The following GATAD2A variants were observed in gnomAD, a reference collection of about 807,000 sequenced individuals.
The protein encoded by GATAD2A is transcriptional repressor p66-alpha.
A neutral mutation model predicts 68.5 loss-of-function variants in GATAD2A; 12 were observed. The ratio of observed to expected loss-of-function variants is 0.18; its 90% CI spans 0.11 to 0.28. GATAD2A has a LOEUF of 0.28. GATAD2A is among the 10% of genes least tolerant of loss of function. The pLI is 1.00. For missense variants in GATAD2A, 755 were observed against 868.5 expected (o/e 0.87, Z 1.64); for synonymous variants, 410 against 375.3 (o/e 1.09, Z -1.07).
Position 19,508,430 on chromosome 19 carries a change from G to A in GATAD2A, c.*2956G>A, listed in dbSNP as rs1207364168. The A allele has an allele frequency of 6.6e-6, 1 of 152,226 alleles. No individual in the cohort carries two copies. The highest frequency in any genetic ancestry group is 1.5e-5 in the Non-Finnish European group (1 of 68,068). The allele number at this position is 152,226 out of a possible 1,614,324, so 9.4% of individuals were successfully genotyped here. On this transcript the variant is annotated 3_prime_UTR_variant, in exon 12 of 12. Transcript: ENST00000683918. ...GTGCCTGGTCTTACCTGTACTCCAC[G>A]GACCTCGGTGAAGCAAAAGCTTCAG...
At chr19:19,484,602 G>A (rs189082828) in intron 2 of GATAD2A, among the ~76,000 whole-genome samples, 2 of 139,962 alleles carry the variant, frequency 1.4e-5, no homozygotes, top group East Asian at 4.2e-4. Context: ...GCACGATCTC[G>A]GCTCCCTGCA....
chr19:19,471,482 GAT>G (rs1051770094), intron 2 of GATAD2A, among the ~76,000 whole-genome samples: 3 of 144,966 alleles, frequency 2.1e-5, no homozygotes, highest in Non-Finnish European at 4.6e-5. Context: ...TTATTTGAGA[GAT>G]GGAAAGTGAC....
intron 1 of GATAD2A, among the ~76,000 whole-genome samples, chr19:19,450,857 G>A (rs1403225598): frequency 6.7e-6 from 1 of 150,124 alleles, no homozygotes; most frequent in East Asian, 2.0e-4. Context: ...TACAACCTCC[G>A]CCTCCCGGTT....
upstream of GATAD2A, chr19:19,402,623 A>C (rs1303872055): frequency 1.3e-5 from 2 of 148,464 alleles, no homozygotes; most frequent in African/African-American, 4.9e-5. Context: ...TGGGAGGTGG[A>C]GGTTGCAGTG....
chr19:19,501,438 C>T (rs2060513548), intron 9 of GATAD2A, 22 bp downstream of exon 9: 1 of 1,552,526 alleles, frequency 6.4e-7, no homozygotes, highest in East Asian at 2.4e-5. Context: ...CTGCTGCCGG[C>T]AGTGCCGTCC....
At chr19:19,476,444 G>A (rs1345380588) in intron 2 of GATAD2A, among the ~76,000 whole-genome samples, 1 of 152,190 alleles carries the variant, frequency 6.6e-6, no homozygotes, top group Non-Finnish European at 1.5e-5. Flanking sequence ...TTATTTAAAT[G>A]TCCCATCCAC....
chr19:19,508,652 T>G lies in GATAD2A; in HGVS notation c.*3178T>G, dbSNP rs2060968680. 2 of 152,254 alleles carry G rather than the reference T, an allele frequency of 1.3e-5. No homozygotes were observed. Among genetic ancestry groups the G allele is most frequent in the South Asian group, 4.1e-4 (2 of 4,838 alleles). The allele number at this position is 152,254 out of a possible 1,614,324, so 9.4% of individuals were successfully genotyped here. Reference sequence around the variant, plus strand: ...TGACGTTAACCTAAAGAACTTGGACTGAGCTTTTAAAAAAGGACAGCAAAC... The same window carrying G: ...TGACGTTAACCTAAAGAACTTGGACGGAGCTTTTAAAAAAGGACAGCAAAC... On this transcript the variant is annotated 3_prime_UTR_variant, in exon 12 of 12. Transcript: ENST00000683918.
intron 1 of GATAD2A, among the ~76,000 whole-genome samples, chr19:19,461,947 A>G (rs1305521421): frequency 1.3e-5 from 2 of 151,716 alleles, no homozygotes; most frequent in African/African-American, 4.8e-5. Context: ...GGACGGGGCT[A>G]CTCTCCATGC....
intron 1 of GATAD2A, chr19:19,436,246 G>A (rs1185294420): frequency 1.6e-6 from 2 of 1,249,960 alleles, no homozygotes; most frequent in Non-Finnish European, 2.2e-6. Flanking sequence ...TAGTGTCTGT[G>A]GAAGGAAGGT....
intron 2 of GATAD2A, among the ~76,000 whole-genome samples, chr19:19,487,439 T>G (rs1193730963): frequency 2.7e-4 from 16 of 58,560 alleles, no homozygotes; most frequent in Admixed American, 3.7e-4. Context: ...CATAGGGGGG[T>G]GGGGTGGGGT....
intron 1 of GATAD2A, among the ~76,000 whole-genome samples, chr19:19,452,892 C>T (rs1294195506): frequency 1.3e-5 from 2 of 152,072 alleles, no homozygotes; most frequent in Non-Finnish European, 2.9e-5. Flanking sequence ...TGGACCTTGT[C>T]CTCCTGTGCG....
chr19:19,436,373 G>A (rs552545846), intron 1 of GATAD2A, among the ~76,000 whole-genome samples: 8 of 152,346 alleles, frequency 5.3e-5, no homozygotes, highest in Non-Finnish European at 8.8e-5. Flanking sequence ...ACACTGTGCA[G>A]TCTGTATGGG....
intron 2 of GATAD2A, among the ~76,000 whole-genome samples, chr19:19,475,863 G>C (rs2058644526): frequency 6.6e-6 from 1 of 152,096 alleles, no homozygotes; most frequent in South Asian, 2.1e-4. Context: ...GGGTCCACCT[G>C]TACTTCTAAG....
At chr19:19,394,253 A>G (rs1319971891) in intron 1 of GATAD2A, among the ~76,000 whole-genome samples, 1 of 152,094 alleles carries the variant, frequency 6.6e-6, no homozygotes, top group Non-Finnish European at 1.5e-5. Flanking sequence ...CTTCATGGCA[A>G]TGCATATTAC....
chr19:19,469,801 G>A (rs1175082779), intron 2 of GATAD2A, among the ~76,000 whole-genome samples: 1 of 152,096 alleles, frequency 6.6e-6, no homozygotes, highest in Non-Finnish European at 1.5e-5. Flanking sequence ...ACAAAAATTA[G>A]CCAGGCGTGG....
intron 1 of GATAD2A, among the ~76,000 whole-genome samples, chr19:19,437,176 C>A (rs2054463892): frequency 6.6e-6 from 1 of 152,202 alleles, no homozygotes; most frequent in South Asian, 2.1e-4. Context: ...GTCACCCAGG[C>A]TGGAGTGTAA....
intron 2 of GATAD2A, among the ~76,000 whole-genome samples, chr19:19,466,457 G>C (rs1266427347): frequency 1.3e-5 from 2 of 152,218 alleles, no homozygotes; most frequent in African/African-American, 4.8e-5. Flanking sequence ...GCCCACTGGA[G>C]TCTTCTCCCT....
intron 8 of GATAD2A, among the ~76,000 whole-genome samples, chr19:19,498,993 C>T (rs571115868): frequency 6.6e-6 from 1 of 152,156 alleles, no homozygotes; most frequent in Non-Finnish European, 1.5e-5. Flanking sequence ...GTGGGGTAGA[C>T]GTGAGGGTGC....
chr19:19,430,978 T>TGG (rs2053668015), intron 1 of GATAD2A, among the ~76,000 whole-genome samples: 1 of 63,486 alleles, frequency 1.6e-5, no homozygotes, highest in African/African-American at 5.3e-5. Flanking sequence ...ATGGTAGGGG[T>TGG]GTGTGTGTGT....
Sources: gnomAD v4.1 joint callset for allele counts (sites outside exome capture counted in the v4.1 genomes callset) on GRCh38, gnomAD v4.1.1 for gene constraint, MANE v1.5 for transcripts, NCBI Gene and HGNC (gene_info 2026-07-23, HGNC 2026-07-21) for gene names.